Variants in VPS13D observed in about 807,000 individuals in gnomAD.
The protein encoded by VPS13D is vacuolar protein sorting 13 homolog D, also known as intermembrane lipid transfer protein VPS13D.
Under a neutral mutation model 461.9 loss-of-function variants are expected in VPS13D, and 187 were observed. The ratio of observed to expected loss-of-function variants is 0.40; its 90% CI spans 0.36 to 0.46. VPS13D has a LOEUF of 0.46. VPS13D is among the 20% of genes least tolerant of loss of function. The pLI, the probability that VPS13D is intolerant of heterozygous loss-of-function variation, is 0.60. For missense variants in VPS13D, 4,711 were observed against 5,364.9 expected (o/e 0.88, Z 3.81); for synonymous variants, 1,951 against 1,986.3 (o/e 0.98, Z 0.47).
intron 65 of VPS13D, among the ~76,000 whole-genome samples, chr1:12,452,162 G>C (rs903012106): frequency 6.6e-5 from 10 of 152,230 alleles, no homozygotes; most frequent in Non-Finnish European, 1.3e-4. Flanking sequence ...TGCCGTACAA[G>C]TAGGGCTTCT....
chr1:12,449,338 A>G (rs1332665824), intron 65 of VPS13D, among the ~76,000 whole-genome samples: 3 of 152,072 alleles, frequency 2.0e-5, no homozygotes, highest in South Asian at 2.1e-4. Context: ...TCTAGTGGAT[A>G]GAAATCTGGA....
In VPS13D at chr1:12,277,600, G is replaced by A. The variant is rs1351989795; in HGVS notation, c.4012G>A (p.Glu1338Lys). 1 of 1,613,924 alleles carries A rather than the reference G, an allele frequency of 6.2e-7. No individual in the cohort carries two copies. Residue 1338 changes from glutamate to lysine, a missense_variant, in exon 19 of 70, where the codon GAG (glutamate) becomes AAG (lysine). By Grantham distance (56) the Glu-to-Lys change is moderately conservative. This residue lies in a region of VPS13D where 4,411 missense variants were observed against 4,937.8 expected (regional missense o/e 0.89). Coordinates refer to ENST00000620676, the MANE Select transcript of VPS13D (RefSeq NM_015378.4). ...AGCTACCAAGACTGCCGAGTATAGC[G>A]AGATGGTATCGCTCTTTGAAACTCC... ...VLATKTAEYS[E>K]MVSLFETPRK...
At chr1:12,271,218 T>C in intron 17 of VPS13D, 94 bp downstream of exon 17, 1 of 1,481,474 alleles carries the variant, frequency 6.8e-7, no homozygotes, top group Non-Finnish European at 9.3e-7. Context: ...GGCTTACTTA[T>C]ATCAATTATG....
At chr1:12,436,112 TAAAC>T (rs552395592) in intron 65 of VPS13D, among the ~76,000 whole-genome samples, 98 of 152,304 alleles carry the variant, frequency 6.4e-4, no homozygotes, top group Middle Eastern at 3.4e-3. Context: ...GACACAGACA[TAAAC>T]AAAACAAAGC....
intron 65 of VPS13D, among the ~76,000 whole-genome samples, chr1:12,447,178 GAA>G (rs1429461578): frequency 1.3e-5 from 2 of 152,138 alleles, no homozygotes; most frequent in Non-Finnish European, 1.5e-5. Context: ...ACTTGGGAGA[GAA>G]AAGAGATATG....
chr1:12,301,422 CAG>C (rs1442111827), intron 25 of VPS13D, among the ~76,000 whole-genome samples: 1 of 152,142 alleles, frequency 6.6e-6, no homozygotes, highest in Admixed American at 6.5e-5. Flanking sequence ...TCATAGAACT[CAG>C]GGGAGCACAT....
At position 12,509,093 on chromosome 1, in the gene VPS13D, C is replaced by T; in HGVS notation, c.*69C>T. On this transcript the variant is annotated 3_prime_UTR_variant, in exon 70 of 70. Transcript: ENST00000620676. ...ACCAGGAGGAAAGAGGCCCAGCTCT[C>T]AGCTGACGATGGAGGCAGAACCGGA... is the stretch of plus-strand genomic sequence containing the variant. 1 of 1,543,562 alleles carries T rather than the reference C, an allele frequency of 6.5e-7. No individual in the cohort carries two copies. The highest frequency in any genetic ancestry group is 1.3e-5 in the South Asian group (1 of 78,364).
chr1:12,439,367 T>C (rs1645101870), intron 65 of VPS13D, among the ~76,000 whole-genome samples: 1 of 152,136 alleles, frequency 6.6e-6, no homozygotes, highest in Non-Finnish European at 1.5e-5. Context: ...TATGGCCACA[T>C]GGTTTTCATC....
chr1:12,378,252 A>G (rs1048058093), intron 55 of VPS13D, among the ~76,000 whole-genome samples, 176 bp from the exon 56 acceptor site: 1 of 152,254 alleles, frequency 6.6e-6, no homozygotes, highest in African/African-American at 2.4e-5. Context: ...CCCTAAGAAC[A>G]ACAAAAGATA....
chr1:12,352,621 G>C (rs1375598083), intron 46 of VPS13D, among the ~76,000 whole-genome samples: 1 of 152,172 alleles, frequency 6.6e-6, no homozygotes, highest in Non-Finnish European at 1.5e-5. Flanking sequence ...GCTAGTAGGA[G>C]TGTAAAATGG....
Position 12,329,863 on chromosome 1 carries a change from T to C in VPS13D, c.8232T>C (p.Pro2744=). The change falls in exon 37 of 70, where the codon CCT becomes CCC. Residue 2744 remains proline (P), a synonymous_variant. Coordinates refer to ENST00000620676, the MANE Select transcript of VPS13D (RefSeq NM_015378.4). The stretch of plus-strand genomic sequence containing the variant: ...TTCTTCAGCGTGTAAGAACTAGCCC[T>C]GAAGGCTATGCCCACTTCACCCTTT... ...LNFLQRVRTS[P]EGYAHFTLSG... 6.2e-7 allele frequency: 1 copy of C among 1,614,168 alleles called. No homozygotes were observed. Among genetic ancestry groups the C allele is most frequent in the Non-Finnish European group, 8.5e-7 (1 of 1,180,016 alleles).
Position 12,299,434 on chromosome 1 carries a change from C to G in VPS13D, c.6216+50C>G. 1 of 1,537,754 alleles carries G rather than the reference C, an allele frequency of 6.5e-7. No homozygotes were observed. Among genetic ancestry groups the G allele is most frequent in the Non-Finnish European group, 8.7e-7 (1 of 1,146,054 alleles). ...TTTCCGTTCAGCTAGTATTTGATCA[C>G]TAATTGAAAAATTTGTATGCTGCTG... On this transcript the variant is annotated intron_variant, in intron 25 of 69. Transcript: ENST00000620676. This position sits in a 1 kb window ranked among gnomAD's most constrained non-coding sequence, Gnocchi z 4.2.
chr1:12,378,390 A>G (rs1285494518), intron 55 of VPS13D, 38 bp from the exon 56 acceptor site: 11 of 1,529,992 alleles, frequency 7.2e-6, no homozygotes, highest in Non-Finnish European at 9.7e-6. Context: ...GGCTGCCCAT[A>G]ATGGCTCTTT....
intron 39 of VPS13D, 91 bp downstream of exon 39, chr1:12,335,918 G>T (rs780336035): frequency 1.3e-6 from 2 of 1,574,794 alleles, no homozygotes; most frequent in Non-Finnish European, 8.7e-7. Flanking sequence ...CCATCATTCT[G>T]CGTGGAAAAA....
intron 63 of VPS13D, among the ~76,000 whole-genome samples, chr1:12,409,367 A>G (rs912599126): frequency 4.6e-5 from 7 of 152,304 alleles, no homozygotes; most frequent in Non-Finnish European, 8.8e-5. Flanking sequence ...TTCCAAAATA[A>G]TTTAAGGCAG....
chr1:12,260,318 C>T lies in VPS13D; in HGVS notation c.1111-375C>T, dbSNP rs374246740. Among the ~76,000 whole-genome samples the T allele has an allele frequency of 2.7e-4, 41 of 152,256 alleles. 3 individuals carry two copies. Among genetic ancestry groups the T allele is most frequent in the Admixed American group, 2.2e-3 (33 of 15,296 alleles). ...GGGATTACAGGCGTGAGCCACCGCA[C>T]CTGGCCACACTTTAGTGACTCTTAA... is the stretch of plus-strand genomic sequence containing the variant. On this transcript the variant is annotated intron_variant, in intron 10 of 69. Coordinates refer to ENST00000620676, the MANE Select transcript of VPS13D (RefSeq NM_015378.4).
At chr1:12,236,491 C>T (rs1356448207) in intron 2 of VPS13D, among the ~76,000 whole-genome samples, 1 of 152,116 alleles carries the variant, frequency 6.6e-6, no homozygotes, top group African/African-American at 2.4e-5. Context: ...AGCAGTCCTC[C>T]TGCCTCAGCC....
chr1:12,281,072 T>C (rs1161676158), intron 20 of VPS13D, among the ~76,000 whole-genome samples: 2 of 151,946 alleles, frequency 1.3e-5, no homozygotes, highest in Non-Finnish European at 2.9e-5. Context: ...TATTTTTTTT[T>C]TTTTTGGTGA....
At chr1:12,278,708 G>C (rs1209468186) in intron 19 of VPS13D, among the ~76,000 whole-genome samples, 1 of 152,190 alleles carries the variant, frequency 6.6e-6, no homozygotes, top group Non-Finnish European at 1.5e-5. Flanking sequence ...TTCCCAAGCT[G>C]TCGATCCTTC....
Sources: allele counts gnomAD v4.1 joint callset (sites outside exome capture counted in the v4.1 genomes callset), GRCh38; gene constraint gnomAD v4.1.1; regional missense constraint gnomAD v4.1.1; non-coding constraint Gnocchi (gnomAD v3.1); transcripts MANE v1.5; gene names NCBI Gene and HGNC (gene_info 2026-07-23, HGNC 2026-07-21).